The following DYNC2I1 variants were observed in gnomAD, a reference collection of about 807,000 sequenced individuals.
DYNC2I1 encodes the protein cytoplasmic dynein 2 intermediate chain 1.
In DYNC2I1, 89 loss-of-function variants were observed where a neutral mutation model predicts 133.4. The observed-to-expected ratio is 0.67, with a 90% CI of 0.56 to 0.80. The LOEUF is 0.80. Among genes scored for constraint, DYNC2I1 ranks in the 30% least tolerant of loss-of-function variants. The probability of loss-of-function intolerance (pLI) is 0.00; values close to 1 mark genes in which losing one functional copy is unlikely to be tolerated. For synonymous variants in DYNC2I1, 504 were observed against 484.3 expected, an observed-to-expected ratio of 1.04 and a Z score of -0.54; for missense variants, 1,291 against 1,314.5, an observed-to-expected ratio of 0.98 and a Z score of 0.28.
intron 8 of DYNC2I1, among the ~76,000 whole-genome samples, chr7:158,892,626 A>G (rs933930668): frequency 6.8e-6 from 1 of 147,980 alleles, no homozygotes; most frequent in Non-Finnish European, 1.5e-5. Flanking sequence ...TTTTTTTTTT[A>G]GAGCAGTTTT....
intron 8 of DYNC2I1, among the ~76,000 whole-genome samples, chr7:158,896,539 A>G (rs1282716421): frequency 2.0e-5 from 3 of 152,124 alleles, no homozygotes; most frequent in Non-Finnish European, 2.9e-5. Flanking sequence ...TGGGGTGATC[A>G]TGGCTCATTG....
At chr7:158,845,961 A>T in the DYNC2I1 span, among the ~76,000 whole-genome samples, 1 of 152,220 alleles carries the variant, frequency 6.6e-6, no homozygotes, top group African/African-American at 2.4e-5. Flanking sequence ...TTTAAAGGTT[A>T]CATATAAAAC....
rs1585187662 is a variant in DYNC2I1, at chr7:158,923,818, T to C, written c.2257+85T>C. ...ACAAAGCTTTACATGGATTTGCATT[T>C]ATTTATTCACATTATCCCAGAGGAC... On this transcript the variant is annotated intron_variant, in intron 17 of 24. Transcript: ENST00000407559. The C allele has an allele frequency of 7.8e-5, 118 of 1,520,260 alleles. 1 individual carries two copies. In the South Asian group the frequency reaches 1.5e-3, roughly 19 times the overall value. The allele number at this position is 1,520,260 out of a possible 1,614,324, so 94.2% of individuals were successfully genotyped here. A position where few individuals can be genotyped will look rare whatever the true frequency, so the allele number is the denominator to read the frequency against.
the DYNC2I1 span, among the ~76,000 whole-genome samples, chr7:158,840,951 C>T: frequency 1.6e-4 from 25 of 152,232 alleles, no homozygotes; most frequent in African/African-American, 6.0e-4. Flanking sequence ...CTGGGTTCCA[C>T]TCCCTCTCCA....
In DYNC2I1 at chr7:158,914,319, C is replaced by T; in HGVS notation, c.1789C>T (p.Gln597Ter). The change falls in exon 14 of 25, where the codon CAG (glutamine) becomes TAG (stop). Residue 597 changes from glutamine (Q) to a stop codon, truncating the protein, a stop_gained and splice_region_variant. Transcript: ENST00000407559. LOFTEE classifies it high-confidence loss of function. ...RLCSFLRAAC[Q>*]VMAVLLEEDR... ...ATGTAGCTTTCTGCGGGCTGCTTGT[C>T]AGGTATACTCAACCTATATATGTTG... 6.2e-7 allele frequency: 1 copy of T among 1,608,426 alleles called. No homozygotes were observed. Among genetic ancestry groups the T allele is most frequent in the Non-Finnish European group, 8.5e-7 (1 of 1,176,938 alleles).
chr7:158,958,369 G>GCGAA (rs1313555205), downstream of DYNC2I1, among the ~76,000 whole-genome samples: 1 of 152,242 alleles, frequency 6.6e-6, no homozygotes, highest in East Asian at 1.9e-4. Flanking sequence ...TGAAGCGTGC[G>GCGAA]CGTTCTCTCT....
downstream of DYNC2I1, among the ~76,000 whole-genome samples, chr7:158,947,294 A>G (rs1851917770): frequency 6.6e-6 from 1 of 152,168 alleles, no homozygotes; most frequent in African/African-American, 2.4e-5. Context: ...TCTCGAGTCC[A>G]CACCCACTCA....
intron 8 of DYNC2I1, among the ~76,000 whole-genome samples, chr7:158,894,024 C>T (rs542323668): frequency 2.0e-5 from 3 of 148,796 alleles, no homozygotes; most frequent in African/African-American, 7.4e-5. Flanking sequence ...AGTGCATATC[C>T]TACCACATAT....
At position 158,874,881 on chromosome 7, in the gene DYNC2I1, C is replaced by T. The variant is rs906055548; in HGVS notation, c.491-1728C>T. ...TGAAGCTTCCGGTAGCCCCTCCACA[C>T]TGGCTGTCCTGCAGGCTTGCCTGTC... On this transcript the variant is annotated intron_variant, in intron 3 of 24. Coordinates refer to ENST00000407559, the MANE Select transcript of DYNC2I1 (RefSeq NM_018051.5). Among the ~76,000 whole-genome samples, 5 of 152,178 alleles carry T rather than the reference C, an allele frequency of 3.3e-5. 1 individual carries two copies. The highest frequency in any genetic ancestry group is 9.7e-5 in the African/African-American group (4 of 41,440).
At chr7:158,924,325 T>C (rs1440189194) in intron 17 of DYNC2I1, among the ~76,000 whole-genome samples, 1 of 152,260 alleles carries the variant, frequency 6.6e-6, no homozygotes, top group Non-Finnish European at 1.5e-5. Flanking sequence ...TGGTCGGGCC[T>C]GCACTGGGAC....
chr7:158,903,010 C>T (rs553997868), intron 10 of DYNC2I1: 1 of 169,016 alleles, frequency 5.9e-6, no homozygotes, highest in African/African-American at 2.4e-5. Context: ...TTTTATCCGT[C>T]TGTGAGCACA....
At chr7:158,881,645 G>T (rs540977886) in intron 5 of DYNC2I1, among the ~76,000 whole-genome samples, 6 of 151,988 alleles carry the variant, frequency 3.9e-5, no homozygotes, top group African/African-American at 1.5e-4. Flanking sequence ...AGTAGAGACG[G>T]GGTTTCACCG....
intron 8 of DYNC2I1, among the ~76,000 whole-genome samples, chr7:158,894,132 A>ACTGCATATCCTACCACATATCC (rs1554455812): frequency 6.6e-5 from 10 of 150,954 alleles, no homozygotes; most frequent in African/African-American, 2.4e-4. Context: ...ACCGCATATC[A>ACTGCATATCCTACCACATATCC]TACCGCATAT....
chr7:158,928,243 G>A (rs1302894290), intron 20 of DYNC2I1, among the ~76,000 whole-genome samples: 2 of 151,078 alleles, frequency 1.3e-5, no homozygotes, highest in African/African-American at 4.8e-5. Context: ...GTCCTGTTGT[G>A]TTCTGTGGTT....
At chr7:158,853,432 C>G (rs2129475212), upstream of DYNC2I1, among the ~76,000 whole-genome samples, 1 of 152,260 alleles carries the variant, frequency 6.6e-6, no homozygotes, top group South Asian at 2.1e-4. Context: ...AGCCTGCTAC[C>G]TGGAGGCCTC....
upstream of DYNC2I1, among the ~76,000 whole-genome samples, chr7:158,856,325 G>T (rs1841222544): frequency 6.6e-6 from 1 of 152,246 alleles, no homozygotes; most frequent in South Asian, 2.1e-4. Flanking sequence ...GGGAACCCGG[G>T]GCGGGTTGGG....
At chr7:158,892,993 T>G (rs1010972666) in intron 8 of DYNC2I1, among the ~76,000 whole-genome samples, 2 of 150,114 alleles carry the variant, frequency 1.3e-5, no homozygotes, top group Non-Finnish European at 3.0e-5. Context: ...ATATACCCCC[T>G]CGCCCCCACA....
At chr7:158,949,064 C>T (rs1430156211), downstream of DYNC2I1, among the ~76,000 whole-genome samples, 9 of 150,760 alleles carry the variant, frequency 6.0e-5, no homozygotes, top group Non-Finnish European at 1.2e-4. Context: ...CTGAGGTCCA[C>T]GTCTGCCCCC....
downstream of DYNC2I1, among the ~76,000 whole-genome samples, chr7:158,946,959 C>G (rs573862323): frequency 8.5e-5 from 13 of 152,362 alleles, no homozygotes; most frequent in African/African-American, 2.9e-4. Context: ...AGCCCCCTCC[C>G]CAACGGCAGG....
Sources: gnomAD v4.1 joint callset for allele counts (sites outside exome capture counted in the v4.1 genomes callset) on GRCh38, gnomAD v4.1.1 for gene constraint, MANE v1.5 for transcripts, NCBI Gene and HGNC (gene_info 2026-07-23, HGNC 2026-07-21) for gene names.